The following MTUS1 variants were observed in gnomAD, a reference collection of about 807,000 sequenced individuals.
MTUS1 encodes microtubule associated scaffold protein 1, also known as microtubule-associated tumor suppressor 1.
A neutral mutation model predicts 120.8 loss-of-function variants in MTUS1; 109 were observed. The ratio of observed to expected loss-of-function variants is 0.90; its 90% CI spans 0.77 to 1.06. The LOEUF (loss-of-function observed/expected upper bound fraction) is 1.06. Ranked by LOEUF, MTUS1 falls within the 50% of genes least tolerant of loss-of-function variation. The pLI, the probability that MTUS1 is intolerant of heterozygous loss-of-function variation, is 0.00. For synonymous variants in MTUS1, 737 were observed against 550.5 expected, an observed-to-expected ratio of 1.34 and a Z score of -4.74; for missense variants, 2,210 against 1,486.3, an observed-to-expected ratio of 1.49 and a Z score of -8.01.
chr8:17,681,335 T>G (rs555602167), intron 7 of MTUS1, among the ~76,000 whole-genome samples: 2 of 152,308 alleles, frequency 1.3e-5, no homozygotes, highest in African/African-American at 4.8e-5. Flanking sequence ...ATGTAGGTAT[T>G]GTGGGCAAGG....
chr8:17,753,882 A>T lies in MTUS1; in HGVS notation c.1926T>A (p.Pro642=). The change falls in exon 2 of 15, where the codon CCT becomes CCA. Residue 642 remains proline (P), a synonymous_variant. Transcript: ENST00000693296. The stretch of plus-strand genomic sequence containing the variant: ...AACATTCTGCACTTTCCATTTTAAC[A>T]GGGAGTATGCCTTTGATCTTCTGAA... The part of the protein sequence containing the change: ...ALFQKIKGIL[P]VKMESAECLE... 1.2e-6 allele frequency: 2 copies of T among 1,614,156 alleles called. No homozygotes were observed. Among genetic ancestry groups the T allele is most frequent in the Non-Finnish European group, 1.7e-6 (2 of 1,180,018 alleles).
At chr8:17,661,410 G>A (rs535699123) in intron 8 of MTUS1, among the ~76,000 whole-genome samples, 2 of 152,192 alleles carry the variant, frequency 1.3e-5, no homozygotes, top group African/African-American at 2.4e-5. Context: ...AAACATCTAA[G>A]TGAACTCAGG....
In MTUS1 at chr8:17,723,676, G is replaced by C. The variant is rs1275744155; in HGVS notation, c.2445C>G (p.Asn815Lys). Residue 815 changes from asparagine to lysine, a missense_variant, in exon 4 of 15, where the codon AAC (asparagine) becomes AAG (lysine). Physicochemically the swap from Asn to Lys is moderately conservative, Grantham distance 94 (BLOSUM62 0). Transcript: ENST00000693296. The stretch of plus-strand genomic sequence containing the variant: ...TGTGATATAAAGTCGACTTACAATT[G>C]TTGCTGTAAGTGCTCAGCTCACTGT... ...STHSELSTYSNNSGNAAVIKY... is the reference protein window; with the variant it reads ...STHSELSTYSKNSGNAAVIKY... 3 of 1,609,156 alleles carry C rather than the reference G, an allele frequency of 1.9e-6. No individual in the cohort carries two copies. The highest frequency in any genetic ancestry group is 2.6e-6 in the Non-Finnish European group (3 of 1,176,214).
intron 1 of MTUS1, among the ~76,000 whole-genome samples, chr8:17,797,690 G>C (rs983730819): frequency 1.3e-5 from 2 of 151,800 alleles, no homozygotes; most frequent in African/African-American, 4.9e-5. Flanking sequence ...CCTTCTTCCA[G>C]AGAAAGTCTG....
chr8:17,765,376 C>T (rs985854755), intron 1 of MTUS1, among the ~76,000 whole-genome samples: 2 of 152,092 alleles, frequency 1.3e-5, no homozygotes, highest in Non-Finnish European at 2.9e-5. Flanking sequence ...TGCCTGTAAT[C>T]CCAGCACTTT....
intron 1 of MTUS1, among the ~76,000 whole-genome samples, chr8:17,764,625 T>C (rs149708610): frequency 5.3e-5 from 8 of 152,334 alleles, no homozygotes; most frequent in African/African-American, 1.9e-4. Context: ...TAAAATATCT[T>C]AGGCTTTACA....
intron 14 of MTUS1, 71 bp from the exon 15 acceptor site, chr8:17,646,210 G>C: frequency 2.1e-6 from 3 of 1,433,916 alleles, no homozygotes; most frequent in Non-Finnish European, 2.8e-6. Flanking sequence ...TTTTCTTAGC[G>C]TTTGAAACTT....
chr8:17,725,087 T>C (rs1168728431), intron 3 of MTUS1, among the ~76,000 whole-genome samples: 3 of 152,116 alleles, frequency 2.0e-5, no homozygotes, highest in African/African-American at 7.2e-5. Context: ...TTTTCCAGCT[T>C]CAAACCATTG....
chr8:17,768,768 G>A (rs1450238776), intron 1 of MTUS1, among the ~76,000 whole-genome samples: 1 of 152,140 alleles, frequency 6.6e-6, no homozygotes, highest in African/African-American at 2.4e-5. Context: ...CAGCAGAGAA[G>A]AGAGAGTCCT....
At chr8:17,760,225 C>T (rs940757322) in intron 1 of MTUS1, among the ~76,000 whole-genome samples, 2 of 151,660 alleles carry the variant, frequency 1.3e-5, no homozygotes, top group Admixed American at 6.6e-5. Context: ...TAAAAGAAAA[C>T]AAAACAAAAT....
chr8:17,679,822 T>C (rs1813965753), intron 7 of MTUS1, among the ~76,000 whole-genome samples: 1 of 152,130 alleles, frequency 6.6e-6, no homozygotes, highest in African/African-American at 2.4e-5. Context: ...TTTATAATAG[T>C]GCTCAGTATA....
intron 1 of MTUS1, among the ~76,000 whole-genome samples, chr8:17,782,581 C>T (rs543450992): frequency 3.5e-4 from 54 of 152,276 alleles, no homozygotes; most frequent in Non-Finnish European, 6.8e-4. Context: ...TGGGAGAGTA[C>T]ATCCAAAAAT....
At chr8:17,776,535 TG>T (rs1316083679) in intron 1 of MTUS1, among the ~76,000 whole-genome samples, 1 of 151,852 alleles carries the variant, frequency 6.6e-6, no homozygotes, top group Non-Finnish European at 1.5e-5. Flanking sequence ...AAAAATGAGC[TG>T]GGCATTGTGG....
chr8:17,753,624 A>G (rs1268624397), intron 2 of MTUS1, 93 bp downstream of exon 2: 3 of 830,550 alleles, frequency 3.6e-6, no homozygotes, highest in South Asian at 4.1e-5. Flanking sequence ...TGGTTCTGCA[A>G]TATTATTGAC....
At chr8:17,658,852 C>T (rs960917466) in intron 8 of MTUS1, among the ~76,000 whole-genome samples, 3 of 152,088 alleles carry the variant, frequency 2.0e-5, no homozygotes, top group Non-Finnish European at 4.4e-5. Context: ...AGTCAGTATT[C>T]TTTCAGAGGA....
At chr8:17,656,915 C>T (rs372768812) in intron 8 of MTUS1, among the ~76,000 whole-genome samples, 7 of 151,292 alleles carry the variant, frequency 4.6e-5, no homozygotes, top group African/African-American at 1.5e-4. Flanking sequence ...AAAAATTAGC[C>T]GGGTGTGGTG....
At chr8:17,678,323 A>T (rs1427599913) in intron 7 of MTUS1, among the ~76,000 whole-genome samples, 1 of 152,148 alleles carries the variant, frequency 6.6e-6, no homozygotes, top group Non-Finnish European at 1.5e-5. Context: ...GGTTGATTCA[A>T]TTCTCTTTGT....
intron 8 of MTUS1, among the ~76,000 whole-genome samples, chr8:17,672,441 C>G (rs1812223742): frequency 6.6e-6 from 1 of 152,164 alleles, no homozygotes. Context: ...TGGCCCCGGA[C>G]AGTGTGACAA....
Position 17,754,248 on chromosome 8 carries a change from C to T in MTUS1, c.1560G>A (p.Leu520=), listed in dbSNP as rs774737427. Residue 520 remains leucine (L), a synonymous_variant, in exon 2 of 15, where the codon TTG becomes TTA. Coordinates refer to ENST00000693296, the MANE Select transcript of MTUS1 (RefSeq NM_001363059.2). ...VKAKVMSRAV[L]QPKDAALSKV... ...TTGATAAAGCAGCATCTTTGGGCTG[C>T]AACACTGCTCTAGACATAACTTTTG... 1 of 1,614,024 alleles carries T rather than the reference C, an allele frequency of 6.2e-7. No homozygotes were observed. The highest frequency in any genetic ancestry group is 1.1e-5 in the South Asian group (1 of 91,062).
Sources: gnomAD v4.1 joint callset for allele counts (sites outside exome capture counted in the v4.1 genomes callset) on GRCh38, gnomAD v4.1.1 for gene constraint, MANE v1.5 for transcripts, NCBI Gene and HGNC (gene_info 2026-07-23, HGNC 2026-07-21) for gene names.